HYCC1: variants seen among roughly 807,000 people sequenced by gnomAD.
HYCC1 encodes the protein hyccin.
At chr7:22,907,104 C>CACAAAA in the HYCC1 span, among the ~76,000 whole-genome samples, 1 of 43,540 alleles carries the variant, frequency 2.3e-5, no homozygotes, top group Non-Finnish European at 4.1e-5. Context: ...GACTCTATCT[C>CACAAAA]AAAAAAAAAA....
the HYCC1 span, among the ~76,000 whole-genome samples, chr7:23,011,154 TCTAA>T: frequency 9.9e-4 from 151 of 152,294 alleles, no homozygotes; most frequent in Non-Finnish European, 1.9e-3. Context: ...CTACTATTCC[TCTAA>T]CTTTCAGACA....
chr7:22,904,602 T>TTAGA, the HYCC1 span, among the ~76,000 whole-genome samples: 2 of 151,812 alleles, frequency 1.3e-5, no homozygotes, highest in East Asian at 3.9e-4. Context: ...ACCATCTGTG[T>TTAGA]TAGACCATTC....
At chr7:22,979,273 T>G in the HYCC1 span, among the ~76,000 whole-genome samples, 20 of 152,206 alleles carry the variant, frequency 1.3e-4, no homozygotes, top group African/African-American at 4.3e-4. Flanking sequence ...ATATTGTTTA[T>G]AAAAGGTATA....
the HYCC1 span, among the ~76,000 whole-genome samples, chr7:22,973,508 T>C: frequency 2.6e-5 from 4 of 152,174 alleles, no homozygotes; most frequent in Non-Finnish European, 2.9e-5. Flanking sequence ...GTTCCTCTAA[T>C]ATAACACATT....
chr7:22,957,980 T>A, the HYCC1 span, among the ~76,000 whole-genome samples: 1 of 151,418 alleles, frequency 6.6e-6, no homozygotes, highest in Admixed American at 6.6e-5. Flanking sequence ...CACAATTAAA[T>A]TAAAAAATCT....
the HYCC1 span, among the ~76,000 whole-genome samples, chr7:22,962,633 G>A: frequency 6.6e-6 from 1 of 151,908 alleles, no homozygotes; most frequent in Non-Finnish European, 1.5e-5. Flanking sequence ...AGTAGTGGGG[G>A]TCATCACTGA....
At chr7:22,941,796 T>C in the HYCC1 span, 2 of 152,180 alleles carry the variant, frequency 1.3e-5, no homozygotes, top group Non-Finnish European at 2.9e-5. Flanking sequence ...ATAATTTTAC[T>C]AAGCAACAAA....
chr7:22,915,510 C>G, the HYCC1 span, among the ~76,000 whole-genome samples: 1 of 152,204 alleles, frequency 6.6e-6, no homozygotes, highest in Non-Finnish European at 1.5e-5. Flanking sequence ...GCCTGGCAGC[C>G]ACTCGCAGAA....
At chr7:22,993,128 A>ATTTCACT in the HYCC1 span, among the ~76,000 whole-genome samples, 1 of 152,192 alleles carries the variant, frequency 6.6e-6, no homozygotes, top group African/African-American at 2.4e-5. Context: ...ACTGAAATTC[A>ATTTCACT]GTGAGGAAAG....
chr7:22,963,335 TGAA>T, the HYCC1 span, among the ~76,000 whole-genome samples: 1 of 152,036 alleles, frequency 6.6e-6, no homozygotes, highest in Admixed American at 6.6e-5. Flanking sequence ...CATGAACAGA[TGAA>T]GATTTCAGCA....
chr7:22,974,070 G>A, the HYCC1 span, among the ~76,000 whole-genome samples: 1 of 152,176 alleles, frequency 6.6e-6, no homozygotes, highest in Non-Finnish European at 1.5e-5. Flanking sequence ...GGACTTTGCA[G>A]TGTGTTCTAA....
At chr7:23,001,614 T>C in the HYCC1 span, among the ~76,000 whole-genome samples, 7 of 152,132 alleles carry the variant, frequency 4.6e-5, no homozygotes, top group Non-Finnish European at 1.0e-4. Flanking sequence ...AAGAACATGG[T>C]AGGGTACTGG....
chr7:23,001,094 C>G, the HYCC1 span, among the ~76,000 whole-genome samples: 1 of 152,114 alleles, frequency 6.6e-6, no homozygotes, highest in Non-Finnish European at 1.5e-5. Context: ...GGAAAACACT[C>G]AATGTGACCA....
the HYCC1 span, among the ~76,000 whole-genome samples, chr7:22,931,255 G>GAAAAAAAAAAAAAAAA: frequency 9.6e-6 from 1 of 103,816 alleles, no homozygotes. Flanking sequence ...CAAAAAAAAA[G>GAAAAAAAAAAAAAAAA]AAAAAAAAAA....
At chr7:22,993,771 T>C in the HYCC1 span, among the ~76,000 whole-genome samples, 3 of 152,122 alleles carry the variant, frequency 2.0e-5, no homozygotes, top group Non-Finnish European at 4.4e-5. Flanking sequence ...GAAAAAGATA[T>C]GGAGCAATCA....
chr7:22,999,848 G>C, the HYCC1 span, among the ~76,000 whole-genome samples: 1 of 152,038 alleles, frequency 6.6e-6, no homozygotes, highest in Non-Finnish European at 1.5e-5. Flanking sequence ...AGGAAAAGCA[G>C]GGAATAGACG....
chr7:22,907,672 G>A, the HYCC1 span, among the ~76,000 whole-genome samples: 2 of 152,192 alleles, frequency 1.3e-5, no homozygotes, highest in Admixed American at 6.5e-5. Context: ...CACTTTGGGA[G>A]GCCGAGGCGG....
chr7:22,964,349 T>C, the HYCC1 span: 3 of 900,972 alleles, frequency 3.3e-6, no homozygotes, highest in Middle Eastern at 2.2e-4. Flanking sequence ...ATAGTGACAA[T>C]AGATGAACAG....
chr7:22,906,409 G>A, the HYCC1 span, among the ~76,000 whole-genome samples: 3 of 151,678 alleles, frequency 2.0e-5, no homozygotes, highest in South Asian at 2.1e-4. Context: ...GAAACCCCAC[G>A]TCTACTAAAA....
Sources: gnomAD v4.1 joint callset for allele counts (sites outside exome capture counted in the v4.1 genomes callset) on GRCh38, gnomAD v4.1.1 for gene constraint, MANE v1.5 for transcripts, NCBI Gene and HGNC (gene_info 2026-07-23, HGNC 2026-07-21) for gene names.